Variants in CDON observed in about 807,000 individuals in gnomAD.
CDON encodes cell adhesion associated, oncogene regulated.
Under a neutral mutation model 120.9 loss-of-function variants are expected in CDON, and 73 were observed. The observed-to-expected ratio is 0.60, with a 90% confidence interval of 0.50 to 0.73. The LOEUF (loss-of-function observed/expected upper bound fraction) is 0.73, where lower values mean the gene tolerates loss of function less well. Among genes scored for constraint, CDON ranks in the 30% least tolerant of loss-of-function variants. CDON has a pLI of 0.00. For missense variants in CDON, 1,470 were observed against 1,587.3 expected, an observed-to-expected ratio of 0.93 and a Z score of 1.26; for synonymous variants, 566 against 573.5, an observed-to-expected ratio of 0.99 and a Z score of 0.19.
upstream of CDON, chr11:126,062,895 C>A (rs142809586): frequency 0.11 from 16,421 of 151,758 alleles, 1,202 homozygotes; most frequent in Middle Eastern, 0.22. Flanking sequence ...GGCTGCGCTC[C>A]TCCCCGCCGG....
chr11:126,005,401 A>C (rs1947091374), intron 9 of CDON: 1 of 236,082 alleles, frequency 4.2e-6, no homozygotes, highest in Non-Finnish European at 8.3e-6. Flanking sequence ...AGTTGTTTTT[A>C]ATAAGAAACT....
chr11:125,990,654 G>A (rs536197312), intron 14 of CDON, among the ~76,000 whole-genome samples: 4 of 152,142 alleles, frequency 2.6e-5, no homozygotes, highest in African/African-American at 9.6e-5. Flanking sequence ...TAATTAAAGG[G>A]GGAGAAAAAA....
At position 126,019,289 on chromosome 11, in the gene CDON, A is replaced by G. The variant is rs552230052; in HGVS notation, c.496+330T>C. On this transcript the variant is annotated intron_variant, in intron 4 of 19. Coordinates refer to ENST00000531738, the MANE Select transcript of CDON (RefSeq NM_001378964.1). ...CAATAATAAACTAACAGAAATATGA[A>G]TAACACAGTATCAGGTGTGATCAAT... Among the ~76,000 whole-genome samples the G allele has an allele frequency of 8.5e-5, 13 of 152,326 alleles. No homozygotes were observed. The South Asian group carries it at 1.0e-3, about 12-fold the overall frequency.
At chr11:126,039,470 T>C (rs1049248015) in intron 1 of CDON, among the ~76,000 whole-genome samples, 4 of 152,354 alleles carry the variant, frequency 2.6e-5, no homozygotes, top group South Asian at 4.1e-4. Flanking sequence ...TTAAGTTTTT[T>C]GGTTAGCTGC....
At chr11:126,028,847 A>G (rs770824702) in intron 1 of CDON, among the ~76,000 whole-genome samples, 23 of 151,142 alleles carry the variant, frequency 1.5e-4, no homozygotes, top group Non-Finnish European at 3.1e-4. Context: ...ATATATATAT[A>G]TGTTACTTTT....
chr11:126,054,948 G>C (rs1168221328), intron 1 of CDON, among the ~76,000 whole-genome samples: 1 of 152,158 alleles, frequency 6.6e-6, no homozygotes, highest in Non-Finnish European at 1.5e-5. Context: ...TTCATGGAAG[G>C]CAAAGCAGCC....
chr11:126,056,273 C>A (rs894288292), intron 1 of CDON, among the ~76,000 whole-genome samples: 2 of 152,098 alleles, frequency 1.3e-5, no homozygotes, highest in Non-Finnish European at 2.9e-5. Context: ...TCTTTGAGGA[C>A]GCCTATAGAT....
At chr11:125,984,696 CA>C (rs11306066) in intron 15 of CDON, among the ~76,000 whole-genome samples, 99,707 of 115,436 alleles carry the variant, frequency 0.86, 42,550 homozygotes, top group East Asian at 0.93. Flanking sequence ...GATTCTGTCT[CA>C]AAAAAAAAAA....
intron 1 of CDON, among the ~76,000 whole-genome samples, chr11:126,045,678 GTC>G (rs1168777010): frequency 6.6e-6 from 1 of 151,882 alleles, no homozygotes; most frequent in East Asian, 1.9e-4. Flanking sequence ...TTTCAAAAAA[GTC>G]ACACATTCGG....
intron 17 of CDON, among the ~76,000 whole-genome samples, chr11:125,978,590 G>C (rs187727077): frequency 4.9e-4 from 75 of 152,278 alleles, no homozygotes; most frequent in African/African-American, 1.8e-3. Flanking sequence ...TTCTGCATTA[G>C]ATTTAACTGT....
Position 125,994,917 on chromosome 11 carries a change from G to A in CDON, c.2498C>T (p.Ala833Val), listed in dbSNP as rs1387000919. The part of the protein sequence containing the change: ...SSRPITGPHI[A>V]YTEAVSDTQI... The stretch of plus-strand genomic sequence containing the variant: ...AGTATCGCTGACAGCCTCTGTGTAT[G>A]CAATGTGAGGTCCAGTTATTGGACG... Residue 833 changes from alanine (A) to valine (V), a missense_variant, in exon 13 of 20, where the codon GCA (alanine) becomes GTA (valine). Coordinates refer to ENST00000531738, the MANE Select transcript of CDON (RefSeq NM_001378964.1). The A allele has an allele frequency of 1.2e-6, 2 of 1,614,098 alleles. No individual in the cohort carries two copies. The highest frequency in any genetic ancestry group is 1.7e-5 in the Admixed American group (1 of 60,024).
At chr11:126,059,993 G>T (rs1948758638) in intron 1 of CDON, among the ~76,000 whole-genome samples, 1 of 150,404 alleles carries the variant, frequency 6.6e-6, no homozygotes, top group African/African-American at 2.4e-5. Context: ...TTTTTCAAGT[G>T]ACATTAAGAA....
intron 7 of CDON, among the ~76,000 whole-genome samples, chr11:126,012,267 A>G (rs1270891276): frequency 6.6e-6 from 1 of 152,176 alleles, no homozygotes; most frequent in Admixed American, 6.5e-5. Context: ...ATAACTATAT[A>G]ATACTGAATA....
chr11:126,028,286 A>G (rs928168654), intron 1 of CDON, among the ~76,000 whole-genome samples: 4 of 152,150 alleles, frequency 2.6e-5, no homozygotes, highest in Non-Finnish European at 5.9e-5. Flanking sequence ...TATGTGGTGT[A>G]CGGTATTTAC....
At chr11:126,008,156 T>G (rs1425700997) in intron 8 of CDON, among the ~76,000 whole-genome samples, 3 of 152,028 alleles carry the variant, frequency 2.0e-5, no homozygotes, top group Admixed American at 6.6e-5. Context: ...TACCACACAC[T>G]CTACAAATAT....
chr11:125,992,111 A>G (rs2134506152), intron 14 of CDON, among the ~76,000 whole-genome samples: 1 of 152,308 alleles, frequency 6.6e-6, no homozygotes, highest in African/African-American at 2.4e-5. Context: ...TCTTGTTTAG[A>G]ACCATTTTAT....
Position 126,010,589 on chromosome 11 carries a change from A to G in CDON, c.1304T>C (p.Val435Ala), listed in dbSNP as rs1249172671. Residue 435 changes from valine (V) to alanine (A), a missense_variant, in exon 8 of 20, where the codon GTC (valine) becomes GCC (alanine). By Grantham distance (64) the Val-to-Ala change is moderately conservative (BLOSUM62 0). Coordinates refer to ENST00000531738, the MANE Select transcript of CDON (RefSeq NM_001378964.1). Reference sequence around the variant, plus strand: ...TCCATGGCTGTCATACCAACGAATGACCGGAACCGGCAGCCCACTGGCATT... The same window carrying G: ...TCCATGGCTGTCATACCAACGAATGGCCGGAACCGGCAGCCCACTGGCATT... ...SCNASGLPVP[V>A]IRWYDSHGLI... 1.2e-6 allele frequency: 2 copies of G among 1,614,172 alleles called. No individual in the cohort carries two copies. Among genetic ancestry groups the G allele is most frequent in the Non-Finnish European group, 1.7e-6 (2 of 1,180,002 alleles).
At chr11:126,010,906 TA>T in intron 7 of CDON, 1 of 622,404 alleles carries the variant, frequency 1.6e-6, no homozygotes, top group Non-Finnish European at 3.0e-6. Context: ...ATTTCCTACG[TA>T]AATTTCCTGT....
At chr11:126,052,874 A>G (rs755747265) in intron 1 of CDON, among the ~76,000 whole-genome samples, 1 of 152,176 alleles carries the variant, frequency 6.6e-6, no homozygotes, top group Non-Finnish European at 1.5e-5. Context: ...ACAGCTATTT[A>G]CATAGCATTT....
Sources: allele counts gnomAD v4.1 joint callset (sites outside exome capture counted in the v4.1 genomes callset), GRCh38; gene constraint gnomAD v4.1.1; transcripts MANE v1.5; gene names NCBI Gene and HGNC (gene_info 2026-07-23, HGNC 2026-07-21).